SOAT1: variants seen among roughly 807,000 people sequenced by gnomAD.
SOAT1 encodes sterol O-acyltransferase 1.
A neutral mutation model predicts 69.5 loss-of-function variants in SOAT1; 55 were observed. That is an observed-to-expected ratio of 0.79 (90% CI 0.64 to 0.99). The LOEUF is 0.99. SOAT1 is among the 50% of genes least tolerant of loss of function. The pLI, the probability that SOAT1 is intolerant of heterozygous loss-of-function variation, is 0.00. For synonymous variants in SOAT1, 231 were observed against 224.7 expected (o/e 1.03, Z -0.25); for missense variants, 580 against 669.3 (o/e 0.87, Z 1.47).
At chr1:179,300,101 C>A (rs1382970800) in intron 1 of SOAT1, among the ~76,000 whole-genome samples, 2 of 151,478 alleles carry the variant, frequency 1.3e-5, no homozygotes, top group Non-Finnish European at 2.9e-5. Context: ...TTGCTATATG[C>A]TCTTTAAAAG....
intron 9 of SOAT1, 53 bp downstream of exon 9, chr1:179,342,996 T>A: frequency 7.2e-7 from 1 of 1,393,556 alleles, no homozygotes; most frequent in Non-Finnish European, 1.0e-6. Flanking sequence ...GTGGCATGAG[T>A]GAGGTGGGAT....
intron 8 of SOAT1, among the ~76,000 whole-genome samples, chr1:179,342,447 GT>G (rs1233922753): frequency 6.6e-6 from 1 of 151,884 alleles, no homozygotes; most frequent in Non-Finnish European, 1.5e-5. Context: ...TAGAGATTGT[GT>G]TTTATTTCAA....
intron 1 of SOAT1, among the ~76,000 whole-genome samples, chr1:179,296,137 G>C (rs982803695): frequency 1.3e-5 from 2 of 151,708 alleles, no homozygotes; most frequent in Non-Finnish European, 2.9e-5. Context: ...GCTAATTTTT[G>C]TATTTTTAGT....
At chr1:179,334,340 T>G (rs575722032) in intron 3 of SOAT1, among the ~76,000 whole-genome samples, 1 of 152,316 alleles carries the variant, frequency 6.6e-6, no homozygotes, top group Admixed American at 6.5e-5. Flanking sequence ...TGGTTATAGA[T>G]TATAGAAGTG....
chr1:179,337,790 T>C (rs780915603), intron 4 of SOAT1, 47 bp from the exon 5 acceptor site: 25 of 1,352,134 alleles, frequency 1.8e-5, no homozygotes, highest in Non-Finnish European at 2.3e-5. Flanking sequence ...AGATTTCTTA[T>C]AATACTTGAA....
chr1:179,307,792 C>CTTT (rs374097712), intron 2 of SOAT1, among the ~76,000 whole-genome samples: 1 of 140,440 alleles, frequency 7.1e-6, no homozygotes. Flanking sequence ...AAGGTATTAT[C>CTTT]TTTTTTTTTT....
intron 3 of SOAT1, among the ~76,000 whole-genome samples, chr1:179,334,555 T>TA (rs1666079789): frequency 6.6e-6 from 1 of 152,172 alleles, no homozygotes; most frequent in Non-Finnish European, 1.5e-5. Context: ...TGTGGTTTGT[T>TA]ATTTTGTCTC....
At chr1:179,303,896 A>G (rs12143460) in intron 2 of SOAT1, among the ~76,000 whole-genome samples, 31,213 of 152,144 alleles carry the variant, frequency 0.21, 3,358 homozygotes, top group Non-Finnish European at 0.23. Flanking sequence ...TGTTCCTTCC[A>G]GTTCTTGGGA....
At chr1:179,308,206 C>T (rs1665083497) in intron 2 of SOAT1, among the ~76,000 whole-genome samples, 1 of 152,148 alleles carries the variant, frequency 6.6e-6, no homozygotes, top group African/African-American at 2.4e-5. Context: ...ATGAAATCCT[C>T]TAATATTCCT....
At chr1:179,342,255 C>G (rs1666365234) in intron 8 of SOAT1, 63 bp downstream of exon 8, 2 of 742,014 alleles carry the variant, frequency 2.7e-6, no homozygotes, top group East Asian at 5.3e-5. Flanking sequence ...CCACCCCATT[C>G]CCTTCCCTTC....
intron 6 of SOAT1, among the ~76,000 whole-genome samples, chr1:179,340,018 C>T (rs1322050966): frequency 2.0e-5 from 3 of 152,080 alleles, no homozygotes; most frequent in Non-Finnish European, 4.4e-5. Flanking sequence ...CAACTGTGGG[C>T]CTCGAATTTG....
rs189625699 is a variant in SOAT1 at position 179,351,357 on chromosome 1, G to A, written c.1491G>A (p.Pro497=). The change falls in exon 15 of 16, where the codon CCG becomes CCA. Residue 497 remains proline, a synonymous_variant. Transcript: ENST00000367619. ...TTGTCAATGATAGTCGGAAAAAGCC[G>A]ATTTGGAATGTTCTGATGTGGACTT... ...NFIVNDSRKK[P]IWNVLMWTSL... is the part of the protein sequence containing the mutation. 8.3e-5 allele frequency: 134 copies of A among 1,614,042 alleles called. No homozygotes were observed. The highest frequency in any genetic ancestry group is 3.3e-4 in the Admixed American group (20 of 60,002).
In SOAT1 at chr1:179,356,002, T is replaced by C. The variant is rs1338829995; in HGVS notation, c.*2361T>C. On this transcript the variant is annotated 3_prime_UTR_variant, in exon 16 of 16. Transcript: ENST00000367619. ...AACTGGTTTGATAGCCATAATCTTA[T>C]TGCTAGCTGCTTTTAGCAAAAGTCT... 6.6e-6 allele frequency: 1 copy of C among 152,244 alleles called. No individual in the cohort carries two copies. Among genetic ancestry groups the C allele is most frequent in the Admixed American group, 6.5e-5 (1 of 15,288 alleles). The allele number at this position is 152,244 out of a possible 1,614,324, so 9.4% of individuals were successfully genotyped here.
At chr1:179,309,172 C>T (rs1665133674) in intron 2 of SOAT1, among the ~76,000 whole-genome samples, 1 of 152,218 alleles carries the variant, frequency 6.6e-6, no homozygotes, top group East Asian at 1.9e-4. Context: ...CAACCTCCGC[C>T]TCCCTGGTTC....
intron 3 of SOAT1, among the ~76,000 whole-genome samples, chr1:179,328,834 A>G (rs1325549007): frequency 6.6e-6 from 1 of 152,098 alleles, no homozygotes; most frequent in East Asian, 1.9e-4. Context: ...AGTTGAGTTC[A>G]TGAATTCGAG....
In SOAT1 at chr1:179,356,181, A is replaced by C. The variant is rs1316299750; in HGVS notation, c.*2540A>C. ...TTTCCTTCTGAAAAGTAATAAGCTTAAAGTTTTTGTTTCTGTAAGATGTAA... is the reference window on the plus strand; with the variant it reads ...TTTCCTTCTGAAAAGTAATAAGCTTCAAGTTTTTGTTTCTGTAAGATGTAA... On this transcript the variant is annotated 3_prime_UTR_variant, in exon 16 of 16. Transcript: ENST00000367619. 1 of 152,198 alleles carries C rather than the reference A, an allele frequency of 6.6e-6. No individual in the cohort carries two copies. The highest frequency in any genetic ancestry group is 1.5e-5 in the Non-Finnish European group (1 of 68,034). The allele number at this position is 152,198 out of a possible 1,614,324, so 9.4% of individuals were successfully genotyped here.
intron 1 of SOAT1, among the ~76,000 whole-genome samples, chr1:179,297,824 G>C (rs2124928553): frequency 6.6e-6 from 1 of 151,358 alleles, no homozygotes; most frequent in Admixed American, 6.6e-5. Context: ...CTGAGGTTGG[G>C]AGTTCGACAC....
chr1:179,324,694 A>G (rs941774750), intron 3 of SOAT1, among the ~76,000 whole-genome samples: 6 of 152,238 alleles, frequency 3.9e-5, no homozygotes, highest in Non-Finnish European at 2.9e-5. Context: ...TTGTTTCTCC[A>G]TCATAAGAGA....
chr1:179,343,259 T>C (rs566385829), intron 9 of SOAT1, among the ~76,000 whole-genome samples: 1 of 152,250 alleles, frequency 6.6e-6, no homozygotes, highest in East Asian at 1.9e-4. Flanking sequence ...ATGGGAGTCT[T>C]GCTCTGTCAC....
Sources: allele counts gnomAD v4.1 joint callset (sites outside exome capture counted in the v4.1 genomes callset), GRCh38; gene constraint gnomAD v4.1.1; transcripts MANE v1.5; gene names NCBI Gene and HGNC (gene_info 2026-07-23, HGNC 2026-07-21).